Variants in ZDHHC11 observed in about 807,000 individuals in gnomAD.
ZDHHC11 encodes zDHHC palmitoyltransferase 11, also known as palmitoyltransferase ZDHHC11.
ZDHHC11 carries 44 observed loss-of-function variants against 51.3 expected under a neutral mutation model. That is an observed-to-expected ratio of 0.86 (90% CI 0.67 to 1.10). The LOEUF is 1.10. Among genes scored for constraint, ZDHHC11 ranks in the 50% least tolerant of loss-of-function variants. The pLI is 0.00. For missense variants in ZDHHC11, 400 were observed against 537.7 expected, an observed-to-expected ratio of 0.74 and a Z score of 2.53; for synonymous variants, 163 against 222.0, an observed-to-expected ratio of 0.73 and a Z score of 2.36.
chr5:814,657 A>G (rs1740527336), intron 11 of ZDHHC11, 104 bp downstream of exon 11: 1 of 1,231,022 alleles, frequency 8.1e-7, no homozygotes, highest in Admixed American at 3.1e-5. Flanking sequence ...TTATGTCATC[A>G]GATTATTTGA....
chr5:848,778 T>A (rs1579804095), intron 1 of ZDHHC11, 118 bp from the exon 2 acceptor site: 2 of 1,434,842 alleles, frequency 1.4e-6, no homozygotes, highest in Non-Finnish European at 9.4e-7. Context: ...CACCCAGCCC[T>A]GCACACGTGA....
intron 12 of ZDHHC11, among the ~76,000 whole-genome samples, chr5:798,349 C>T (rs1737891291): frequency 6.6e-6 from 1 of 151,194 alleles, no homozygotes. Flanking sequence ...CTTATGTCTC[C>T]TCAGTTCATT....
upstream of ZDHHC11, among the ~76,000 whole-genome samples, chr5:859,709 G>A (rs1465230926): frequency 2.0e-5 from 3 of 152,164 alleles, no homozygotes; most frequent in Non-Finnish European, 4.4e-5. Flanking sequence ...GGCTTAACTC[G>A]GAGCACAGCT....
chr5:844,028 TG>T (rs1745660050), intron 3 of ZDHHC11, among the ~76,000 whole-genome samples: 2 of 12,496 alleles, frequency 1.6e-4, no homozygotes, highest in South Asian at 3.8e-3. Flanking sequence ...AGGGCAGGTG[TG>T]GGGGGCGCAG....
Position 824,769 on chromosome 5 carries a change from TAA to T in ZDHHC11, c.1023+393_1023+394del, listed in dbSNP as rs58948043. Among the ~76,000 whole-genome samples the T allele has an allele frequency of 6.0e-4, 75 of 125,510 alleles. 2 individuals carry two copies. Among genetic ancestry groups the T allele is most frequent in the African/African-American group, 2.1e-3 (61 of 29,466 alleles). The allele number at this position is 125,510 out of a possible 152,430, so 82.3% of individuals were successfully genotyped here. On this transcript the variant is annotated intron_variant, in intron 8 of 12. Coordinates refer to ENST00000283441, the MANE Select transcript of ZDHHC11 (RefSeq NM_024786.3). ...CACAGTCTTTCCTAAGCATTTTATT[TAA>T]AAAAAAAAAAAAAACAGCACATGGC...
chr5:818,955 CTTT>C (rs1228538105), intron 10 of ZDHHC11, among the ~76,000 whole-genome samples: 2 of 151,502 alleles, frequency 1.3e-5, no homozygotes, highest in African/African-American at 4.8e-5. Context: ...CCACACAGGG[CTTT>C]TCCCGTGAAG....
At chr5:848,443 C>A in intron 2 of ZDHHC11, 39 bp downstream of exon 2, 1 of 1,072,340 alleles carries the variant, frequency 9.3e-7, no homozygotes, top group South Asian at 1.6e-5. Flanking sequence ...CTGGAGGTGA[C>A]CCTGACACCT....
At chr5:797,396 A>G (rs1292382393) in intron 12 of ZDHHC11, among the ~76,000 whole-genome samples, 1 of 151,778 alleles carries the variant, frequency 6.6e-6, no homozygotes, top group Non-Finnish European at 1.5e-5. Context: ...ACATCTTCCC[A>G]ATTTTCTCTC....
At chr5:844,422 A>G (rs1190962086) in intron 3 of ZDHHC11, among the ~76,000 whole-genome samples, 2 of 152,304 alleles carry the variant, frequency 1.3e-5, no homozygotes, top group Non-Finnish European at 2.9e-5. Context: ...CCAGCGGAGC[A>G]TGAGGGTCAC....
chr5:850,877 T>C lies in ZDHHC11; in HGVS notation c.-275A>G, dbSNP rs1747114768. 2.0e-6 allele frequency: 1 copy of C among 509,176 alleles called. No homozygotes were observed. The highest frequency in any genetic ancestry group is 3.3e-6 in the Non-Finnish European group (1 of 300,200). The allele number at this position is 509,176 out of a possible 1,614,324, so 31.5% of individuals were successfully genotyped here. ...CAACGGAAAACGGCTCTCCAGGGTG[T>C]GGAGGACCCAGTGCCCGCGCGACCG... On this transcript the variant is annotated 5_prime_UTR_variant, in exon 1 of 13. Coordinates refer to ENST00000283441, the MANE Select transcript of ZDHHC11 (RefSeq NM_024786.3).
rs564088233 is a variant in ZDHHC11, at chr5:828,725, T to C, written c.936-3474A>G. Among the ~76,000 whole-genome samples, 18 of 150,418 alleles carry C rather than the reference T, an allele frequency of 1.2e-4. No homozygotes were observed. The East Asian group carries it at 2.9e-3, about 24-fold the overall frequency. ...ATTCTTTTCATCAGTACATGGAAAA[T>C]TCTCCAAGATACATCATATAATAGG... On this transcript the variant is annotated intron_variant, in intron 7 of 12. Coordinates refer to ENST00000283441, the MANE Select transcript of ZDHHC11 (RefSeq NM_024786.3).
intron 11 of ZDHHC11, among the ~76,000 whole-genome samples, chr5:803,267 C>A (rs1738749429): frequency 2.0e-5 from 3 of 151,294 alleles, no homozygotes; most frequent in African/African-American, 7.3e-5. Flanking sequence ...TGGTTTTGAT[C>A]CACTTGGCAG....
chr5:850,752 C>A lies in ZDHHC11; in HGVS notation c.-150G>T. 2 of 947,866 alleles carry A rather than the reference C, an allele frequency of 2.1e-6. No homozygotes were observed. Among genetic ancestry groups the A allele is most frequent in the South Asian group, 3.3e-5 (2 of 60,216 alleles). 58.7% of individuals were successfully genotyped at this position (947,866 alleles called of 1,614,324 possible). On this transcript the variant is annotated 5_prime_UTR_variant, in exon 1 of 13. Coordinates refer to ENST00000283441, the MANE Select transcript of ZDHHC11 (RefSeq NM_024786.3). ...CCAGCACTGCCTGGGGCCACGTTCC[C>A]CGCAGAGGGAGCAGGGGCTGGGCTG...
chr5:813,616 C>A (rs1820732), intron 11 of ZDHHC11, among the ~76,000 whole-genome samples: 37,831 of 139,210 alleles, frequency 0.27, 6,745 homozygotes, highest in African/African-American at 0.59. Context: ...CCTGGTTTGG[C>A]CATCTGGCCC....
At chr5:828,372 C>T (rs1490111904) in intron 7 of ZDHHC11, among the ~76,000 whole-genome samples, 1 of 149,246 alleles carries the variant, frequency 6.7e-6, no homozygotes, top group Non-Finnish European at 1.5e-5. Context: ...AGGTGCCCCC[C>T]ACCTCCCTCC....
chr5:805,461 G>C (rs1487664801), intron 11 of ZDHHC11, among the ~76,000 whole-genome samples: 2 of 151,064 alleles, frequency 1.3e-5, no homozygotes, highest in East Asian at 3.9e-4. Context: ...ATTCAAACTA[G>C]GGTGTTATAC....
At chr5:824,740 T>A (rs1397904985) in intron 8 of ZDHHC11, among the ~76,000 whole-genome samples, 8 of 145,778 alleles carry the variant, frequency 5.5e-5, no homozygotes, top group African/African-American at 2.0e-4. Context: ...ATCTGTCTCC[T>A]ACACACAGTC....
At chr5:853,670 C>T (rs1443861470), upstream of ZDHHC11, among the ~76,000 whole-genome samples, 4 of 137,460 alleles carry the variant, frequency 2.9e-5, no homozygotes, top group African/African-American at 1.1e-4. Flanking sequence ...GACAGCGAGC[C>T]ACGGGGACAG....
intron 11 of ZDHHC11, among the ~76,000 whole-genome samples, chr5:813,780 G>C (rs1361369991): frequency 2.0e-5 from 3 of 146,940 alleles, no homozygotes; most frequent in African/African-American, 7.9e-5. Context: ...ACTCCCTGCA[G>C]TGATGGGAGG....
Sources: gnomAD v4.1 joint callset for allele counts (sites outside exome capture counted in the v4.1 genomes callset) on GRCh38, gnomAD v4.1.1 for gene constraint, MANE v1.5 for transcripts, NCBI Gene and HGNC (gene_info 2026-07-23, HGNC 2026-07-21) for gene names.